Variants in PRKN observed in about 807,000 individuals in gnomAD.
PRKN encodes the protein parkin RBR E3 ubiquitin protein ligase.
PRKN carries 56 observed loss-of-function variants against 59.5 expected under a neutral mutation model. The ratio of observed to expected loss-of-function variants is 0.94; its 90% CI spans 0.76 to 1.18. The LOEUF (loss-of-function observed/expected upper bound fraction) is 1.18, where lower values mean the gene tolerates loss of function less well. PRKN is among the 50% of genes most tolerant of loss of function. PRKN has a pLI of 0.00. For synonymous variants in PRKN, 250 were observed against 222.1 expected, an observed-to-expected ratio of 1.13 and a Z score of -1.12; for missense variants, 657 against 596.4, an observed-to-expected ratio of 1.10 and a Z score of -1.06.
At chr6:162,654,083 G>C (rs1389673294) in intron 1 of PRKN, among the ~76,000 whole-genome samples, 1 of 152,174 alleles carries the variant, frequency 6.6e-6, no homozygotes, top group African/African-American at 2.4e-5. Context: ...CTATAGGAAA[G>C]AATGATCTTA....
chr6:162,656,240 T>C (rs1425189367), intron 1 of PRKN, among the ~76,000 whole-genome samples: 10 of 152,226 alleles, frequency 6.6e-5, no homozygotes, highest in Non-Finnish European at 1.2e-4. Flanking sequence ...ATTCGGGATA[T>C]AGAGAAACAC....
At chr6:161,917,233 G>C (rs1168355494) in intron 6 of PRKN, among the ~76,000 whole-genome samples, 1 of 152,056 alleles carries the variant, frequency 6.6e-6, no homozygotes, top group Non-Finnish European at 1.5e-5. Flanking sequence ...AGCCTCCCGA[G>C]TAGCTGGGAC....
intron 7 of PRKN, among the ~76,000 whole-genome samples, chr6:161,727,304 G>A (rs968417361): frequency 2.0e-4 from 31 of 152,166 alleles, no homozygotes; most frequent in African/African-American, 7.0e-4. Flanking sequence ...CTGTTTCTCT[G>A]CAGAGGGACA....
intron 4 of PRKN, among the ~76,000 whole-genome samples, chr6:162,090,998 G>A (rs1483024195): frequency 6.6e-6 from 1 of 152,116 alleles, no homozygotes; most frequent in Non-Finnish European, 1.5e-5. Flanking sequence ...TAGCAACCAT[G>A]TGGCTTCACT....
At position 161,413,818 on chromosome 6, in the gene PRKN, T is replaced by G. The variant is rs1370992793; in HGVS notation, c.1084-26941A>C. Among the ~76,000 whole-genome samples the G allele has an allele frequency of 6.6e-6, 1 of 152,060 alleles. No homozygotes were observed. ...CTCATTCAAAAATGCAATTTTTAAT[T>G]AAAAGGGAAACTTCCTGAGAGGACA... On this transcript the variant is annotated intron_variant, in intron 9 of 11. Transcript: ENST00000366898. This position sits in a 1 kb window ranked among gnomAD's most constrained non-coding sequence, Gnocchi z 4.4.
intron 7 of PRKN, among the ~76,000 whole-genome samples, chr6:161,758,729 A>G (rs191697225): frequency 6.6e-6 from 1 of 152,326 alleles, no homozygotes; most frequent in East Asian, 1.9e-4. Context: ...TAAAGATGAT[A>G]GATCAGGAAG....
intron 7 of PRKN, among the ~76,000 whole-genome samples, chr6:161,684,792 GAA>G (rs71716386): frequency 1.3e-4 from 18 of 136,372 alleles, no homozygotes; most frequent in African/African-American, 4.4e-4. Flanking sequence ...TTTTTAAAAG[GAA>G]AAAAAAAAAA....
At chr6:162,189,246 T>G (rs200507988) in intron 4 of PRKN, among the ~76,000 whole-genome samples, 3,491 of 116,670 alleles carry the variant, frequency 0.03, 128 homozygotes, top group Non-Finnish European at 0.044. Context: ...CCTATTCTAA[T>G]TATCTTCTAT....
At chr6:161,687,055 G>A (rs1785583916) in intron 7 of PRKN, among the ~76,000 whole-genome samples, 1 of 152,090 alleles carries the variant, frequency 6.6e-6, no homozygotes, top group Non-Finnish European at 1.5e-5. Flanking sequence ...AGTCATGTTT[G>A]GGTAGTAGAA....
intron 6 of PRKN, among the ~76,000 whole-genome samples, chr6:161,923,755 G>A (rs1470051336): frequency 3.9e-5 from 6 of 152,214 alleles, no homozygotes; most frequent in African/African-American, 1.2e-4. Context: ...TCCTAAGGAG[G>A]AGGACACTGT....
chr6:162,510,328 C>T (rs1359085784), intron 1 of PRKN, among the ~76,000 whole-genome samples: 1 of 152,148 alleles, frequency 6.6e-6, no homozygotes, highest in Non-Finnish European at 1.5e-5. Context: ...TGAATTCATG[C>T]CACAGAACTT....
At chr6:161,523,281 G>A (rs748310707) in intron 9 of PRKN, among the ~76,000 whole-genome samples, 13 of 152,216 alleles carry the variant, frequency 8.5e-5, no homozygotes, top group South Asian at 2.1e-4. Context: ...TTTATAAAAC[G>A]TTTTGGCAAT....
chr6:162,619,507 C>A (rs1434471847), intron 1 of PRKN, among the ~76,000 whole-genome samples: 1 of 151,974 alleles, frequency 6.6e-6, no homozygotes, highest in East Asian at 1.9e-4. Flanking sequence ...ATGTAGACAG[C>A]CTCTTAACTA....
At chr6:162,698,328 C>T (rs1257491150) in intron 1 of PRKN, among the ~76,000 whole-genome samples, 2 of 152,280 alleles carry the variant, frequency 1.3e-5, no homozygotes, top group South Asian at 2.1e-4. Flanking sequence ...GGACTGACCA[C>T]ATGACACAGT....
In PRKN at chr6:161,498,240, CATGTT is replaced by C. The variant is rs1777825812; in HGVS notation, c.1083+50609_1083+50613del. On this transcript the variant is annotated intron_variant, in intron 9 of 11. Coordinates refer to ENST00000366898, the MANE Select transcript of PRKN (RefSeq NM_004562.3). This position sits in a 1 kb window ranked among gnomAD's most constrained non-coding sequence, Gnocchi z 4.2. ...TTTTATTCAGGCTGCAAATCAGTAT[CATGTT>C]ATAGAGTGTATTAATTAATAAATGG... 6.6e-6 allele frequency among the ~76,000 whole-genome samples: 1 copy of C among 152,190 alleles called. No individual in the cohort carries two copies. The highest frequency in any genetic ancestry group is 6.5e-5 in the Admixed American group (1 of 15,274).
rs943454551 is a variant in PRKN at position 161,355,768 on chromosome 6, T to C, written c.1285+4320A>G. ...CGGGCTCTCTTCTGGGATTGGAGCC[T>C]AGACGGTCAAGGTCCCTGATCTCAC... is the stretch of plus-strand genomic sequence containing the variant. On this transcript the variant is annotated intron_variant, in intron 11 of 11. Transcript: ENST00000366898. The surrounding 1 kb of genome is among the most constrained non-coding windows in gnomAD (Gnocchi z 6.8). Among the ~76,000 whole-genome samples the C allele has an allele frequency of 2.0e-4, 30 of 152,188 alleles. No homozygotes were observed. The highest frequency in any genetic ancestry group is 7.2e-4 in the African/African-American group (30 of 41,438).
Position 161,447,520 on chromosome 6 carries a change from G to GTC in PRKN, c.1084-60645_1084-60644dup, listed in dbSNP as rs1295307040. ...CTTTCCTTCCTTTCCTTGAGATGGAGTCTCTCTCTGTCGCCCAGGCTGGAG... is the reference window on the plus strand; with the variant it reads ...CTTTCCTTCCTTTCCTTGAGATGGAGTCTCTCTCTCTGTCGCCCAGGCTGGAG... On this transcript the variant is annotated intron_variant, in intron 9 of 11. Coordinates refer to ENST00000366898, the MANE Select transcript of PRKN (RefSeq NM_004562.3). The surrounding 1 kb of genome is among the most constrained non-coding windows in gnomAD (Gnocchi z 4.1). Among the ~76,000 whole-genome samples the GTC allele has an allele frequency of 6.6e-6, 1 of 152,082 alleles. No homozygotes were observed. Among genetic ancestry groups the GTC allele is most frequent in the Non-Finnish European group, 1.5e-5 (1 of 68,018 alleles).
chr6:162,084,526 A>G (rs1268921908), intron 4 of PRKN, among the ~76,000 whole-genome samples: 1 of 152,142 alleles, frequency 6.6e-6, no homozygotes, highest in African/African-American at 2.4e-5. Context: ...TATTAAGAAC[A>G]GGACTTATAG....
intron 6 of PRKN, among the ~76,000 whole-genome samples, chr6:161,938,961 G>A (rs1459872143): frequency 6.6e-6 from 1 of 152,080 alleles, no homozygotes; most frequent in Non-Finnish European, 1.5e-5. Context: ...TAAAATCTTT[G>A]ATGTGTTCAT....
Sources: allele counts gnomAD v4.1 joint callset (sites outside exome capture counted in the v4.1 genomes callset), GRCh38; gene constraint gnomAD v4.1.1; non-coding constraint Gnocchi (gnomAD v3.1); transcripts MANE v1.5; gene names NCBI Gene and HGNC (gene_info 2026-07-23, HGNC 2026-07-21).